The following DENND1B variants were observed in gnomAD, a reference collection of about 807,000 sequenced individuals.
The protein encoded by DENND1B is DENN domain containing 1B.
A neutral mutation model predicts 90.1 loss-of-function variants in DENND1B; 59 were observed. That is an observed-to-expected ratio of 0.65 (90% CI 0.53 to 0.81). The LOEUF is 0.81. Ranked by LOEUF, DENND1B falls within the 40% of genes least tolerant of loss-of-function variation. The pLI is 0.00. For synonymous variants in DENND1B, 337 were observed against 324.6 expected (o/e 1.04, Z -0.41); for missense variants, 862 against 912.6 (o/e 0.94, Z 0.71).
At chr1:197,595,156 C>T (rs1052163718) in intron 14 of DENND1B, 52 bp downstream of exon 14, 9 of 1,558,806 alleles carry the variant, frequency 5.8e-6, no homozygotes, top group Non-Finnish European at 6.9e-6. Flanking sequence ...CTGTCTCATT[C>T]CAAAGAACCA....
chr1:197,626,948 G>C (rs559017799), intron 10 of DENND1B, among the ~76,000 whole-genome samples: 25 of 151,948 alleles, frequency 1.6e-4, no homozygotes, highest in Non-Finnish European at 2.8e-4. Flanking sequence ...TAAATTCCTC[G>C]ACACACACAC....
intron 5 of DENND1B, among the ~76,000 whole-genome samples, chr1:197,669,427 T>C (rs1263086869): frequency 6.6e-6 from 1 of 152,132 alleles, no homozygotes; most frequent in Non-Finnish European, 1.5e-5. Context: ...TTCCAGGGGA[T>C]ACACTGATTA....
At chr1:197,603,967 G>A (rs1003560577) in intron 13 of DENND1B, among the ~76,000 whole-genome samples, 7 of 151,018 alleles carry the variant, frequency 4.6e-5, no homozygotes, top group Admixed American at 6.6e-5. Flanking sequence ...AACACTAACT[G>A]TGATTGATGC....
chr1:197,738,656 C>A (rs1662936490), intron 2 of DENND1B, among the ~76,000 whole-genome samples: 1 of 152,152 alleles, frequency 6.6e-6, no homozygotes, highest in Admixed American at 6.5e-5. Flanking sequence ...TTTCTTCTAA[C>A]CATAGATGCA....
chr1:197,733,478 G>A (rs1448277152), intron 2 of DENND1B, among the ~76,000 whole-genome samples: 1 of 152,114 alleles, frequency 6.6e-6, no homozygotes, highest in Non-Finnish European at 1.5e-5. Context: ...CACCTTCCAG[G>A]AAAGTTTTTT....
upstream of DENND1B, among the ~76,000 whole-genome samples, chr1:197,777,439 T>C (rs1041175388): frequency 2.6e-5 from 4 of 152,214 alleles, no homozygotes; most frequent in African/African-American, 9.6e-5. Context: ...AAGAGATTTA[T>C]CTGTTCTGTT....
At chr1:197,739,981 G>T (rs1663064648) in intron 2 of DENND1B, among the ~76,000 whole-genome samples, 1 of 152,114 alleles carries the variant, frequency 6.6e-6, no homozygotes, top group South Asian at 2.1e-4. Flanking sequence ...TGAAAATTTT[G>T]CACTATCAAA....
chr1:197,701,640 A>G (rs1260505295), intron 3 of DENND1B, among the ~76,000 whole-genome samples: 1 of 152,072 alleles, frequency 6.6e-6, no homozygotes, highest in African/African-American at 2.4e-5. Context: ...TTCCCAGTCC[A>G]ATCTTCCTTC....
intron 3 of DENND1B, chr1:197,689,783 C>T (rs1360589003): frequency 1.3e-5 from 2 of 152,198 alleles, no homozygotes; most frequent in Admixed American, 6.6e-5. Flanking sequence ...TATTACCTAC[C>T]AGGCACTATG....
intron 20 of DENND1B, among the ~76,000 whole-genome samples, chr1:197,513,228 G>T (rs1668160239): frequency 6.7e-6 from 1 of 149,564 alleles, no homozygotes; most frequent in Non-Finnish European, 1.5e-5. Context: ...CAGTCACATA[G>T]ACTTTCAGGC....
At chr1:197,691,413 C>G (rs1364168441) in intron 3 of DENND1B, among the ~76,000 whole-genome samples, 1 of 152,004 alleles carries the variant, frequency 6.6e-6, no homozygotes, top group Non-Finnish European at 1.5e-5. Flanking sequence ...GATATCATTT[C>G]ACACCTGTGA....
Position 197,506,049 on chromosome 1 carries a change from A to C in DENND1B, c.*4411T>G, listed in dbSNP as rs1005429785. 1 of 151,698 alleles carries C rather than the reference A, an allele frequency of 6.6e-6. No individual in the cohort carries two copies. The highest frequency in any genetic ancestry group is 1.5e-5 in the Non-Finnish European group (1 of 67,700). 9.4% of individuals were successfully genotyped at this position (151,698 alleles called of 1,614,324 possible). ...AAACAAAAACATTTCTCCTGGCAAC[A>C]ATATAAAGAATATATTTTTTTCTGA... is the stretch of plus-strand genomic sequence containing the variant. On this transcript the variant is annotated 3_prime_UTR_variant, in exon 23 of 23. Transcript: ENST00000620048.
At chr1:197,688,310 G>A (rs998224005) in intron 3 of DENND1B, among the ~76,000 whole-genome samples, 2 of 151,958 alleles carry the variant, frequency 1.3e-5, no homozygotes, top group Non-Finnish European at 2.9e-5. Context: ...CATGGAAATA[G>A]AAAAAACAAA....
intron 2 of DENND1B, among the ~76,000 whole-genome samples, chr1:197,770,247 C>T (rs1039077762): frequency 3.3e-5 from 5 of 152,046 alleles, no homozygotes; most frequent in African/African-American, 1.2e-4. Flanking sequence ...AACCATTTAT[C>T]ATATTTACAA....
intron 2 of DENND1B, among the ~76,000 whole-genome samples, chr1:197,719,139 G>A (rs1320224395): frequency 6.6e-6 from 1 of 152,160 alleles, no homozygotes; most frequent in Non-Finnish European, 1.5e-5. Context: ...ATTATGGAAT[G>A]AGTGAGTATG....
chr1:197,546,116 T>C (rs1670798993), intron 17 of DENND1B, 126 bp from the exon 18 acceptor site: 2 of 497,932 alleles, frequency 4.0e-6, no homozygotes, highest in Admixed American at 8.1e-5. Context: ...CCTATACAAA[T>C]TATTTCATGT....
intron 2 of DENND1B, among the ~76,000 whole-genome samples, chr1:197,716,103 C>T (rs1660618639): frequency 6.6e-6 from 1 of 151,730 alleles, no homozygotes; most frequent in African/African-American, 2.4e-5. Flanking sequence ...CCATTATTTC[C>T]AATATTTCAT....
At chr1:197,523,472 T>C (rs1668919291) in intron 20 of DENND1B, among the ~76,000 whole-genome samples, 1 of 152,084 alleles carries the variant, frequency 6.6e-6, no homozygotes. Flanking sequence ...AAGACAAGCA[T>C]AGAGAACACA....
intron 2 of DENND1B, among the ~76,000 whole-genome samples, chr1:197,756,239 C>A (rs190135293): frequency 7.0e-4 from 107 of 152,250 alleles, no homozygotes; most frequent in Middle Eastern, 3.4e-3. Flanking sequence ...CCTACCAGGC[C>A]AGACGCTGTT....
Sources: gnomAD v4.1 joint callset for allele counts (sites outside exome capture counted in the v4.1 genomes callset) on GRCh38, gnomAD v4.1.1 for gene constraint, MANE v1.5 for transcripts, NCBI Gene and HGNC (gene_info 2026-07-23, HGNC 2026-07-21) for gene names.